Variants in ADGRL4 observed in about 807,000 individuals in gnomAD.
The protein encoded by ADGRL4 is EGF, latrophilin and seven transmembrane domain containing 1.
A neutral mutation model predicts 74.8 loss-of-function variants in ADGRL4; 90 were observed. The observed-to-expected ratio is 1.20, with a 90% CI of 1.02 to 1.43. ADGRL4 has a LOEUF of 1.43. ADGRL4 is among the 40% of genes most tolerant of loss of function. The pLI is 0.00. For synonymous variants in ADGRL4, 311 were observed against 279.2 expected (o/e 1.11, Z -1.14); for missense variants, 881 against 814.3 (o/e 1.08, Z -1.00).
chr1:78,974,697 T>C (rs1650242880), intron 2 of ADGRL4, among the ~76,000 whole-genome samples: 1 of 152,184 alleles, frequency 6.6e-6, no homozygotes, highest in Non-Finnish European at 1.5e-5. Context: ...TTCTGGCTTC[T>C]AGAGGCTGCA....
intron 12 of ADGRL4, among the ~76,000 whole-genome samples, chr1:78,906,238 T>C (rs1318592829): frequency 6.6e-6 from 1 of 152,018 alleles, no homozygotes; most frequent in African/African-American, 2.4e-5. Context: ...GCTAAATAAT[T>C]GCTCTATTTA....
chr1:78,957,237 A>G (rs968526180), intron 2 of ADGRL4, among the ~76,000 whole-genome samples: 2 of 152,134 alleles, frequency 1.3e-5, no homozygotes, highest in Non-Finnish European at 2.9e-5. Context: ...TAATAACCCT[A>G]CAATGTTCTC....
At chr1:78,952,081 TAAAAAGA>T (rs930661780) in intron 2 of ADGRL4, among the ~76,000 whole-genome samples, 3 of 151,856 alleles carry the variant, frequency 2.0e-5, no homozygotes, top group East Asian at 1.9e-4. Flanking sequence ...TGGAGAAAAA[TAAAAAGA>T]AAAAAGAAAA....
chr1:78,962,406 A>G (rs1183811206), intron 2 of ADGRL4, among the ~76,000 whole-genome samples: 1 of 152,134 alleles, frequency 6.6e-6, no homozygotes, highest in African/African-American at 2.4e-5. Context: ...TACAATAAAT[A>G]TGGTAAGTTT....
intron 7 of ADGRL4, among the ~76,000 whole-genome samples, chr1:78,935,226 A>G (rs1390577629): frequency 2.0e-5 from 3 of 152,202 alleles, no homozygotes; most frequent in African/African-American, 7.2e-5. Context: ...ATGCAGCCAT[A>G]AAAAGGAAAG....
intron 2 of ADGRL4, among the ~76,000 whole-genome samples, chr1:78,983,889 T>C (rs1650443624): frequency 6.6e-6 from 1 of 151,820 alleles, no homozygotes; most frequent in East Asian, 1.9e-4. Context: ...ATGTACCATA[T>C]ACCTTCAAAG....
chr1:79,001,547 C>T (rs1354544496), intron 2 of ADGRL4, among the ~76,000 whole-genome samples: 3 of 152,132 alleles, frequency 2.0e-5, no homozygotes, highest in Admixed American at 6.6e-5. Context: ...TGTGCTCTCA[C>T]ATAAGATACA....
At chr1:78,954,795 A>T (rs1416294513) in intron 2 of ADGRL4, among the ~76,000 whole-genome samples, 1 of 152,122 alleles carries the variant, frequency 6.6e-6, no homozygotes, top group African/African-American at 2.4e-5. Context: ...AGCTATAGAG[A>T]AACAAATTAC....
intron 2 of ADGRL4, among the ~76,000 whole-genome samples, chr1:78,953,186 T>C (rs1649765739): frequency 6.6e-6 from 1 of 152,184 alleles, no homozygotes; most frequent in Admixed American, 6.5e-5. Flanking sequence ...TGACACATTT[T>C]TTTCAAACTA....
At chr1:78,908,683 T>C (rs1468531671) in intron 12 of ADGRL4, among the ~76,000 whole-genome samples, 1 of 152,000 alleles carries the variant, frequency 6.6e-6, no homozygotes, top group Non-Finnish European at 1.5e-5. Flanking sequence ...TTCCCTTTCA[T>C]CATATCATTA....
chr1:78,953,571 T>C (rs1015458099), intron 2 of ADGRL4, among the ~76,000 whole-genome samples: 7 of 152,220 alleles, frequency 4.6e-5, no homozygotes, highest in South Asian at 2.1e-4. Context: ...AACCGTTCTC[T>C]GAACAGAATG....
intron 10 of ADGRL4, among the ~76,000 whole-genome samples, chr1:78,918,639 T>C (rs1648935318): frequency 6.6e-6 from 1 of 151,954 alleles, no homozygotes; most frequent in African/African-American, 2.4e-5. Flanking sequence ...TTTCTCATCT[T>C]GAGCTAAAGT....
chr1:78,936,841 A>G (rs1649365716), intron 6 of ADGRL4, among the ~76,000 whole-genome samples: 1 of 152,200 alleles, frequency 6.6e-6, no homozygotes, highest in Non-Finnish European at 1.5e-5. Flanking sequence ...ATAAAAATAT[A>G]GAGCACCTAT....
chr1:78,954,017 A>C (rs1649780665), intron 2 of ADGRL4, among the ~76,000 whole-genome samples: 1 of 152,124 alleles, frequency 6.6e-6, no homozygotes, highest in Admixed American at 6.6e-5. Flanking sequence ...ATGGTGGCAC[A>C]TGCCTGTAAT....
At position 78,889,877 on chromosome 1, in the gene ADGRL4, C is replaced by T. The variant is rs760980747; in HGVS notation, c.*1277G>A. On this transcript the variant is annotated 3_prime_UTR_variant, in exon 15 of 15. Coordinates refer to ENST00000370742, the MANE Select transcript of ADGRL4 (RefSeq NM_022159.4). ...AGTGTATTGGCACACTTTTACAGGT[C>T]GGCAAAGAAAAATTACCTATTTTTG... 6.8e-6 allele frequency: 3 copies of T among 442,506 alleles called. No homozygotes were observed. The highest frequency in any genetic ancestry group is 2.7e-5 in the Admixed American group (1 of 37,548). 27.4% of individuals were successfully genotyped at this position (442,506 alleles called of 1,614,324 possible).
At chr1:78,921,047 A>C (rs1413357146) in intron 9 of ADGRL4, among the ~76,000 whole-genome samples, 1 of 137,918 alleles carries the variant, frequency 7.3e-6, no homozygotes, top group African/African-American at 2.7e-5. Context: ...AGATGATAGC[A>C]CAGAGCTATA....
intron 2 of ADGRL4, among the ~76,000 whole-genome samples, chr1:78,967,495 G>A (rs1361014117): frequency 1.3e-5 from 2 of 152,126 alleles, no homozygotes; most frequent in African/African-American, 2.4e-5. Context: ...AAGTGTGCAA[G>A]AACAGTAAAA....
At chr1:78,990,253 C>G (rs1650580987) in intron 2 of ADGRL4, among the ~76,000 whole-genome samples, 1 of 151,744 alleles carries the variant, frequency 6.6e-6, no homozygotes, top group African/African-American at 2.4e-5. Flanking sequence ...ATTGTACTCT[C>G]TAAGTGTGTC....
At chr1:79,002,866 C>A (rs184756260) in intron 2 of ADGRL4, among the ~76,000 whole-genome samples, 149 of 152,050 alleles carry the variant, frequency 9.8e-4, no homozygotes, top group African/African-American at 3.5e-3. Context: ...AAATTCACTA[C>A]GATTAAAGCT....
Sources: gnomAD v4.1 joint callset for allele counts (sites outside exome capture counted in the v4.1 genomes callset) on GRCh38, gnomAD v4.1.1 for gene constraint, MANE v1.5 for transcripts, NCBI Gene and HGNC (gene_info 2026-07-23, HGNC 2026-07-21) for gene names.